Variants in ANGEL1 observed in about 807,000 individuals in gnomAD.
ANGEL1 encodes RNA 2',3'-cyclic phosphatase ANGEL1.
In ANGEL1, 62 loss-of-function variants were observed where a neutral mutation model predicts 76.4. The ratio of observed to expected loss-of-function variants is 0.81; its 90% CI spans 0.66 to 1.00. The LOEUF is 1.00. Ranked by LOEUF, ANGEL1 falls within the 50% of genes least tolerant of loss-of-function variation. The pLI is 0.00. For synonymous variants in ANGEL1, 340 were observed against 331.7 expected (o/e 1.03, Z -0.27); for missense variants, 737 against 836.7 (o/e 0.88, Z 1.47).
chr14:76,804,277 C>CCTG, intron 5 of ANGEL1: 1 of 1,277,410 alleles, frequency 7.8e-7, no homozygotes, highest in Non-Finnish European at 9.9e-7. Context: ...AAGGTTTATC[C>CCTG]TCATCTTTGG....
rs1402703023 is a variant in ANGEL1, at chr14:76,790,661, A to G, written c.1802T>C (p.Val601Ala). 1.2e-6 allele frequency: 2 copies of G among 1,614,066 alleles called. No individual in the cohort carries two copies. Among genetic ancestry groups the G allele is most frequent in the East Asian group, 4.5e-5 (2 of 44,900 alleles). The change falls in exon 9 of 10, where the codon GTA becomes GCA. Residue 601 changes from valine (V) to alanine (A), a missense_variant. Transcript: ENST00000251089. Reference protein sequence around the residue: ...TTMPLGLGMTVDYIFFSAESC... With the variant: ...TTMPLGLGMTADYIFFSAESC... ...CTCAGCTGAGAAGAAGATGTAATCT[A>G]CTGTCATTCCAAGACCCAATGGCAT...
chr14:76,797,912 C>G (rs907254065), intron 7 of ANGEL1, among the ~76,000 whole-genome samples: 5 of 152,230 alleles, frequency 3.3e-5, no homozygotes, highest in African/African-American at 1.2e-4. Flanking sequence ...TGTGTCCCCA[C>G]AATCAAATTC....
intron 3 of ANGEL1, 72 bp downstream of exon 3, chr14:76,807,850 T>C: frequency 6.6e-7 from 1 of 1,521,312 alleles, no homozygotes; most frequent in Middle Eastern, 2.3e-4. Context: ...GTTGAACTCA[T>C]CTTCTAAGAG....
At chr14:76,804,558 G>T (rs1216651239) in intron 5 of ANGEL1, 4 of 588,448 alleles carry the variant, frequency 6.8e-6, no homozygotes, top group Non-Finnish European at 8.6e-6. Flanking sequence ...TAGGTGCTGG[G>T]GATAGAGCAG....
At chr14:76,802,655 A>G (rs1232011723) in intron 7 of ANGEL1, among the ~76,000 whole-genome samples, 4 of 151,504 alleles carry the variant, frequency 2.6e-5, no homozygotes, top group Admixed American at 2.6e-4. Context: ...CTCTCCTATC[A>G]TGACCTGTGC....
At chr14:76,812,602 G>A in intron 1 of ANGEL1, 162 bp downstream of exon 1, 2 of 1,300,500 alleles carry the variant, frequency 1.5e-6, no homozygotes, top group Non-Finnish European at 2.0e-6. Context: ...GGTCAGGAGG[G>A]GCCCGCGGGG....
chr14:76,805,984 A>C (rs2140227351), intron 5 of ANGEL1, among the ~76,000 whole-genome samples: 1 of 152,368 alleles, frequency 6.6e-6, no homozygotes, highest in East Asian at 1.9e-4. Flanking sequence ...GTGCTTAACA[A>C]ATGTAAACAC....
chr14:76,812,659 C>T, intron 1 of ANGEL1, 105 bp downstream of exon 1: 2 of 1,373,722 alleles, frequency 1.5e-6, no homozygotes, highest in Non-Finnish European at 1.9e-6. Flanking sequence ...GCCCGGGGCA[C>T]GGTAGTCGTG....
At chr14:76,799,310 T>C (rs1894684658) in intron 7 of ANGEL1, among the ~76,000 whole-genome samples, 1 of 101,492 alleles carries the variant, frequency 9.9e-6, no homozygotes, top group Non-Finnish European at 2.1e-5. Flanking sequence ...TTTTTTTTTT[T>C]TGAGACACAG....
At chr14:76,812,419 C>A (rs1346241591) in intron 1 of ANGEL1, 1 of 1,121,116 alleles carries the variant, frequency 8.9e-7, no homozygotes, top group Non-Finnish European at 1.1e-6. Flanking sequence ...CCTTCCCGAC[C>A]CGCCGGGGTG....
chr14:76,792,965 G>C (rs1244998820), intron 7 of ANGEL1, among the ~76,000 whole-genome samples: 1 of 152,108 alleles, frequency 6.6e-6, no homozygotes, highest in East Asian at 1.9e-4. Context: ...CTATTTGTAA[G>C]ATGACATGAT....
rs1325954222 is a variant in ANGEL1 at position 76,789,207 on chromosome 14, T to G, written c.*21A>C. On this transcript the variant is annotated 3_prime_UTR_variant, in exon 10 of 10. Transcript: ENST00000251089. Reference sequence around the variant, plus strand: ...CAGTGAGCTCTTCTGGAAGAGAAGCTCTCTTCCCCTGGGAGCCCTGTCATG... The same window carrying G: ...CAGTGAGCTCTTCTGGAAGAGAAGCGCTCTTCCCCTGGGAGCCCTGTCATG... The G allele has an allele frequency of 6.2e-7, 1 of 1,613,338 alleles. No homozygotes were observed. Among genetic ancestry groups the G allele is most frequent in the South Asian group, 1.1e-5 (1 of 90,990 alleles).
chr14:76,801,724 T>C (rs1894770491), intron 7 of ANGEL1, among the ~76,000 whole-genome samples: 2 of 152,358 alleles, frequency 1.3e-5, no homozygotes, highest in Admixed American at 1.3e-4. Flanking sequence ...TTTGTCTTTA[T>C]TTTTTGTAAT....
intron 7 of ANGEL1, among the ~76,000 whole-genome samples, chr14:76,793,403 GGGATAAAAGGAAA>G (rs1566695799): frequency 1.5e-4 from 8 of 51,660 alleles, no homozygotes; most frequent in East Asian, 6.4e-4. Flanking sequence ...GAGGGGAGAG[GGGATAAAAGGAAA>G]GAGGAGAGGG....
chr14:76,791,292 G>A lies in ANGEL1; in HGVS notation c.1688+5C>T. ...TGAAAACAGAAGAGAACTGGAGAAG[G>A]TTACCTGGAGAAGGCAGGCTCAAGC... is the stretch of plus-strand genomic sequence containing the variant. On this transcript the variant is annotated splice_donor_5th_base_variant and intron_variant, in intron 8 of 9. Coordinates refer to ENST00000251089, the MANE Select transcript of ANGEL1 (RefSeq NM_015305.4). The A allele has an allele frequency of 6.2e-7, 1 of 1,614,038 alleles. No individual in the cohort carries two copies. Among genetic ancestry groups the A allele is most frequent in the South Asian group, 1.1e-5 (1 of 91,064 alleles).
rs907125638 is a variant in ANGEL1 at position 76,786,771 on chromosome 14, T to C, written c.*2457A>G. 3 of 152,248 alleles carry C rather than the reference T, an allele frequency of 2.0e-5. No homozygotes were observed. Among genetic ancestry groups the C allele is most frequent in the African/African-American group, 7.2e-5 (3 of 41,444 alleles). The allele number at this position is 152,248 out of a possible 1,614,324, so 9.4% of individuals were successfully genotyped here. A position where few individuals can be genotyped will look rare whatever the true frequency, so the allele number is the denominator to read the frequency against. ...CCACTGCTCAGCCCTGGCTCCAGAA[T>C]GCAAAAGAGATCAGAAATAGATGCT... On this transcript the variant is annotated 3_prime_UTR_variant, in exon 10 of 10. Coordinates refer to ENST00000251089, the MANE Select transcript of ANGEL1 (RefSeq NM_015305.4).
intron 7 of ANGEL1, among the ~76,000 whole-genome samples, chr14:76,791,710 G>C (rs560176823): frequency 1.3e-5 from 2 of 152,214 alleles, no homozygotes; most frequent in East Asian, 3.9e-4. Context: ...GTCCTCCTCT[G>C]CCACTCAATT....
intron 2 of ANGEL1, 73 bp from the exon 3 acceptor site, chr14:76,808,221 C>T: frequency 7.7e-7 from 1 of 1,305,898 alleles, no homozygotes; most frequent in Non-Finnish European, 1.1e-6. Flanking sequence ...CCACTCCTGA[C>T]TCAGTAATAT....
chr14:76,788,911 C>G lies in ANGEL1; in HGVS notation c.*317G>C, dbSNP rs969310381. On this transcript the variant is annotated 3_prime_UTR_variant, in exon 10 of 10. Coordinates refer to ENST00000251089, the MANE Select transcript of ANGEL1 (RefSeq NM_015305.4). ...CAAATAACCAATGAAATCAAGAACT[C>G]CCATAACCCTGGTAATTAAAAATCA... 1 of 298,118 alleles carries G rather than the reference C, an allele frequency of 3.4e-6. No homozygotes were observed. The highest frequency in any genetic ancestry group is 2.2e-5 in the African/African-American group (1 of 46,092). 18.5% of individuals were successfully genotyped at this position (298,118 alleles called of 1,614,324 possible).
Sources: gnomAD v4.1 joint callset for allele counts (sites outside exome capture counted in the v4.1 genomes callset) on GRCh38, gnomAD v4.1.1 for gene constraint, MANE v1.5 for transcripts, NCBI Gene and HGNC (gene_info 2026-07-23, HGNC 2026-07-21) for gene names.